The following EPB41L2 variants were observed in gnomAD, a reference collection of about 807,000 sequenced individuals.
EPB41L2 encodes erythrocyte membrane protein band 4.1 like 2.
In EPB41L2, 43 loss-of-function variants were observed where a neutral mutation model predicts 113.0. The observed-to-expected ratio is 0.38, with a 90% CI of 0.30 to 0.49. The LOEUF is 0.49. Ranked by LOEUF, EPB41L2 falls within the 20% of genes least tolerant of loss-of-function variation. The pLI, the probability that EPB41L2 is intolerant of heterozygous loss-of-function variation, is 0.95. For synonymous variants in EPB41L2, 442 were observed against 436.7 expected, an observed-to-expected ratio of 1.01 and a Z score of -0.15; for missense variants, 1,147 against 1,223.4, an observed-to-expected ratio of 0.94 and a Z score of 0.93.
At chr6:130,997,298 G>A (rs368957289) in intron 1 of EPB41L2, among the ~76,000 whole-genome samples, 9 of 152,218 alleles carry the variant, frequency 5.9e-5, no homozygotes, top group Non-Finnish European at 5.9e-5. Context: ...CACTTAAAAC[G>A]CTATTAAGAT....
intron 8 of EPB41L2, among the ~76,000 whole-genome samples, chr6:130,896,391 A>C (rs778735483): frequency 2.0e-5 from 3 of 152,232 alleles, no homozygotes; most frequent in Non-Finnish European, 2.9e-5. Flanking sequence ...GTGCCCAAGC[A>C]ACTTGGCACC....
At chr6:131,040,997 G>A (rs1426794479) in intron 1 of EPB41L2, among the ~76,000 whole-genome samples, 2 of 152,180 alleles carry the variant, frequency 1.3e-5, no homozygotes, top group African/African-American at 2.4e-5. Context: ...AATGAAAAAG[G>A]AAGGAGAAGA....
At chr6:130,983,515 T>G (rs1212839602) in intron 1 of EPB41L2, among the ~76,000 whole-genome samples, 1 of 150,194 alleles carries the variant, frequency 6.7e-6, no homozygotes, top group Non-Finnish European at 1.5e-5. Flanking sequence ...TACACTACTA[T>G]AGACTTTTTT....
At chr6:131,032,074 A>T (rs1264515067) in intron 1 of EPB41L2, among the ~76,000 whole-genome samples, 3 of 152,216 alleles carry the variant, frequency 2.0e-5, no homozygotes, top group African/African-American at 7.2e-5. Flanking sequence ...AATGCTTATC[A>T]GATAAGCTCA....
chr6:130,902,106 T>G (rs1248218248), intron 6 of EPB41L2, among the ~76,000 whole-genome samples: 1 of 152,234 alleles, frequency 6.6e-6, no homozygotes, highest in Middle Eastern at 3.2e-3. Context: ...ACTTCACCAC[T>G]TGCTATGGTC....
intron 11 of EPB41L2, among the ~76,000 whole-genome samples, chr6:130,885,578 A>C (rs1037352721): frequency 1.3e-5 from 2 of 152,168 alleles, no homozygotes; most frequent in Non-Finnish European, 2.9e-5. Flanking sequence ...GAAACACCAG[A>C]GTTAAGGCAA....
chr6:130,963,156 G>A (rs1015172660), intron 1 of EPB41L2, among the ~76,000 whole-genome samples: 1 of 152,194 alleles, frequency 6.6e-6, no homozygotes, highest in Non-Finnish European at 1.5e-5. Flanking sequence ...GGAGCTTCCT[G>A]TTTGTGAAAT....
At chr6:130,894,274 C>T in intron 10 of EPB41L2, 70 bp downstream of exon 10, 3 of 1,249,034 alleles carry the variant, frequency 2.4e-6, no homozygotes, top group Non-Finnish European at 3.5e-6. Context: ...CCCACCTCTG[C>T]CTCCTGAGTC....
chr6:130,863,482 T>C (rs1429258150), intron 18 of EPB41L2, among the ~76,000 whole-genome samples, 156 bp downstream of exon 18: 1 of 152,196 alleles, frequency 6.6e-6, no homozygotes, highest in African/African-American at 2.4e-5. Flanking sequence ...TAGGAAAGCT[T>C]GTATCCAGGC....
Position 130,983,053 on chromosome 6 carries a change from A to AG in EPB41L2, c.-14-26555dup, listed in dbSNP as rs973951320. Among the ~76,000 whole-genome samples, 22 of 152,330 alleles carry AG rather than the reference A, an allele frequency of 1.4e-4. 1 individual carries two copies. The highest frequency in any genetic ancestry group is 5.3e-4 in the African/African-American group (22 of 41,570). On this transcript the variant is annotated intron_variant, in intron 1 of 19. Coordinates refer to ENST00000337057, the MANE Select transcript of EPB41L2 (RefSeq NM_001431.4). Reference sequence around the variant, plus strand: ...GCCTCAACTACAAAAAGCAGCCTTTAGGTAAACAGCCTCACATTCCGGTGT... The same window carrying AG: ...GCCTCAACTACAAAAAGCAGCCTTTAGGGTAAACAGCCTCACATTCCGGTGT...
Position 130,973,043 on chromosome 6 carries a change from C to T in EPB41L2, c.-14-16544G>A, listed in dbSNP as rs59271461. Reference sequence around the variant, plus strand: ...AGAAGAATCGCTTGAACCCGGGAGGCGGAGGTTGCAGTGAGCCGAGATCGT... The same window carrying T: ...AGAAGAATCGCTTGAACCCGGGAGGTGGAGGTTGCAGTGAGCCGAGATCGT... On this transcript the variant is annotated intron_variant, in intron 1 of 19. Transcript: ENST00000337057. 0.011 allele frequency among the ~76,000 whole-genome samples: 1,730 copies of T among 150,952 alleles called. 185 individuals carry two copies. The East Asian group carries it at 0.27, about 23-fold the overall frequency.
chr6:130,944,177 A>G (rs2128593418), intron 3 of EPB41L2, among the ~76,000 whole-genome samples: 1 of 148,272 alleles, frequency 6.7e-6, no homozygotes, highest in Non-Finnish European at 1.5e-5. Context: ...ACACATACAC[A>G]CACACACACA....
chr6:130,946,162 G>A (rs1334250990), intron 3 of EPB41L2, among the ~76,000 whole-genome samples: 1 of 152,100 alleles, frequency 6.6e-6, no homozygotes, highest in African/African-American at 2.4e-5. Context: ...AATTATCAGT[G>A]ACAACAATGA....
intron 1 of EPB41L2, among the ~76,000 whole-genome samples, chr6:130,986,030 G>A (rs1780468702): frequency 6.6e-6 from 1 of 152,076 alleles, no homozygotes; most frequent in Admixed American, 6.5e-5. Flanking sequence ...GTAAACTACA[G>A]ACCAACATCC....
intron 3 of EPB41L2, among the ~76,000 whole-genome samples, chr6:130,936,943 AAAAG>A (rs1809019323): frequency 6.6e-6 from 1 of 152,236 alleles, no homozygotes; most frequent in African/African-American, 2.4e-5. Context: ...TAGAATCTAC[AAAAG>A]AAGAACCTGG....
chr6:131,022,152 A>AT (rs1381058327), intron 1 of EPB41L2, among the ~76,000 whole-genome samples: 1 of 152,040 alleles, frequency 6.6e-6, no homozygotes, highest in Non-Finnish European at 1.5e-5. Flanking sequence ...CAGGCATTAG[A>AT]TTTTCATAAG....
chr6:130,947,025 C>CT lies in EPB41L2; in HGVS notation c.705+8079_705+8080insA, dbSNP rs10670642. ...TGCACTGAATAAAGAAGACCCCCCCCCCAGCCCCTTAAATTACTGCAGCCA... is the reference window on the plus strand; with the variant it reads ...TGCACTGAATAAAGAAGACCCCCCCCTCCAGCCCCTTAAATTACTGCAGCCA... On this transcript the variant is annotated intron_variant, in intron 3 of 19. Transcript: ENST00000337057. Among the ~76,000 whole-genome samples, 114 of 145,774 alleles carry CT rather than the reference C, an allele frequency of 7.8e-4. 2 individuals are homozygous for CT. The highest frequency in any genetic ancestry group is 2.7e-3 in the African/African-American group (106 of 38,818).
intron 1 of EPB41L2, among the ~76,000 whole-genome samples, chr6:131,022,142 C>G (rs184731934): frequency 1.3e-5 from 2 of 152,258 alleles, no homozygotes; most frequent in East Asian, 3.9e-4. Context: ...TACTGATCAT[C>G]AGGCATTAGA....
chr6:130,917,060 T>G (rs1001548227), intron 4 of EPB41L2, among the ~76,000 whole-genome samples: 1 of 152,174 alleles, frequency 6.6e-6, no homozygotes, highest in African/African-American at 2.4e-5. Context: ...CCCATCACAA[T>G]AAGCAGCTGT....
Sources: allele counts gnomAD v4.1 joint callset (sites outside exome capture counted in the v4.1 genomes callset), GRCh38; gene constraint gnomAD v4.1.1; transcripts MANE v1.5; gene names NCBI Gene and HGNC (gene_info 2026-07-23, HGNC 2026-07-21).